NRXN1: variants seen among roughly 807,000 people sequenced by gnomAD.
NRXN1 encodes the protein neurexin-1.
NRXN1 carries 39 observed loss-of-function variants against 150.9 expected under a neutral mutation model. That is an observed-to-expected ratio of 0.26 (90% CI 0.20 to 0.34). NRXN1 has a LOEUF of 0.34. Among genes scored for constraint, NRXN1 ranks in the 10% least tolerant of loss-of-function variants. The probability of loss-of-function intolerance (pLI) is 1.00; values close to 1 mark genes in which losing one functional copy is unlikely to be tolerated. For synonymous variants in NRXN1, 924 were observed against 757.0 expected (o/e 1.22, Z -3.62); for missense variants, 1,815 against 1,949.9 (o/e 0.93, Z 1.30).
chr2:50,779,898 G>A (rs1020057510), intron 5 of NRXN1, among the ~76,000 whole-genome samples: 2 of 152,170 alleles, frequency 1.3e-5, no homozygotes, highest in African/African-American at 2.4e-5. Flanking sequence ...TGGGATTGCT[G>A]GATCAAATGG....
At position 50,884,845 on chromosome 2, in the gene NRXN1, CT is replaced by C. The variant is rs201311269; in HGVS notation, c.832+37023del. ...TTTTAAAAAAAAAATAAAATACAAA[CT>C]TTTTTTTCTATAAACGCAAAAGTAG... is the stretch of plus-strand genomic sequence containing the variant. On this transcript the variant is annotated intron_variant, in intron 5 of 22. Coordinates refer to ENST00000401669, the MANE Select transcript of NRXN1 (RefSeq NM_001330078.2). Among the ~76,000 whole-genome samples, 726 of 151,300 alleles carry C rather than the reference CT, an allele frequency of 4.8e-3. 6 individuals are homozygous for C. The highest frequency in any genetic ancestry group is 0.017 in the African/African-American group (690 of 41,366).
intron 18 of NRXN1, among the ~76,000 whole-genome samples, chr2:50,186,905 C>T (rs2061108565): frequency 6.6e-6 from 1 of 151,942 alleles, no homozygotes; most frequent in Non-Finnish European, 1.5e-5. Flanking sequence ...TTTAAAATTC[C>T]TTCCTTCCAC....
chr2:50,602,501 CA>C (rs1676439395), intron 8 of NRXN1, among the ~76,000 whole-genome samples: 2 of 151,942 alleles, frequency 1.3e-5, no homozygotes, highest in African/African-American at 4.8e-5. Flanking sequence ...CCAGAATCAA[CA>C]ATCACTTTCC....
At chr2:50,958,605 G>C (rs963885938) in intron 2 of NRXN1, among the ~76,000 whole-genome samples, 1 of 151,906 alleles carries the variant, frequency 6.6e-6, no homozygotes, top group Non-Finnish European at 1.5e-5. Flanking sequence ...ACTTTCCTTA[G>C]CCTTTTCTGT....
intron 9 of NRXN1, among the ~76,000 whole-genome samples, chr2:50,539,944 T>G (rs2093352553): frequency 6.6e-6 from 1 of 152,064 alleles, no homozygotes; most frequent in African/African-American, 2.4e-5. Flanking sequence ...CCGCCCCAAG[T>G]GAAAACACAT....
chr2:50,163,542 G>A (rs2059494660), intron 18 of NRXN1, among the ~76,000 whole-genome samples: 1 of 152,044 alleles, frequency 6.6e-6, no homozygotes, highest in Admixed American at 6.6e-5. Context: ...CTGCCTAAGT[G>A]TCACAATCTG....
At chr2:50,245,950 C>T (rs1421681937) in intron 17 of NRXN1, among the ~76,000 whole-genome samples, 1 of 151,744 alleles carries the variant, frequency 6.6e-6, no homozygotes, top group Non-Finnish European at 1.5e-5. Flanking sequence ...AAAAGCTAAG[C>T]TCAAATGACT....
rs557492626 is a variant in NRXN1, at chr2:50,554,931, A to G, written c.1321-1906T>C. Among the ~76,000 whole-genome samples, 4 of 152,308 alleles carry G rather than the reference A, an allele frequency of 2.6e-5. No homozygotes were observed. The East Asian group carries it at 7.7e-4, about 29-fold the overall frequency. On this transcript the variant is annotated intron_variant, in intron 8 of 22. Coordinates refer to ENST00000401669, the MANE Select transcript of NRXN1 (RefSeq NM_001330078.2). ...AGAAAATGAACTTGAGCAATAACAA[A>G]AAGGAATTACATTAATTCTTAAGAA... is the stretch of plus-strand genomic sequence containing the variant.
At chr2:50,477,556 A>G (rs1181028722) in intron 15 of NRXN1, among the ~76,000 whole-genome samples, 2 of 152,190 alleles carry the variant, frequency 1.3e-5, no homozygotes, top group Non-Finnish European at 2.9e-5. Context: ...GTAAAGACCA[A>G]GCTCTGCCTT....
chr2:50,556,492 T>G (rs1240566944), intron 8 of NRXN1, among the ~76,000 whole-genome samples: 1 of 151,478 alleles, frequency 6.6e-6, no homozygotes, highest in Non-Finnish European at 1.5e-5. Context: ...CAAGGTTTCT[T>G]TGGGGACATT....
Position 49,939,175 on chromosome 2 carries a change from T to G in NRXN1, c.4216+4529A>C, listed in dbSNP as rs114549759. Among the ~76,000 whole-genome samples, 585 of 152,292 alleles carry G rather than the reference T, an allele frequency of 3.8e-3. 4 individuals are homozygous for G. The highest frequency in any genetic ancestry group is 0.013 in the African/African-American group (558 of 41,558). On this transcript the variant is annotated intron_variant, in intron 22 of 22. Coordinates refer to ENST00000401669, the MANE Select transcript of NRXN1 (RefSeq NM_001330078.2). ...ACTTTTCATATATTAACTCCAGCAA[T>G]CACATAGCAATAACTATGCTGGAGC...
At chr2:51,016,849 C>G (rs1025164354) in intron 2 of NRXN1, among the ~76,000 whole-genome samples, 3 of 152,052 alleles carry the variant, frequency 2.0e-5, no homozygotes, top group African/African-American at 7.2e-5. Context: ...GACTTGAAAC[C>G]AACCCAAATG....
At chr2:50,452,872 CT>C (rs891234303) in intron 17 of NRXN1, among the ~76,000 whole-genome samples, 3 of 152,132 alleles carry the variant, frequency 2.0e-5, no homozygotes, top group African/African-American at 7.2e-5. Flanking sequence ...GAAATGTACA[CT>C]TGGATTTGGT....
chr2:50,875,527 T>C (rs986239247), intron 5 of NRXN1, among the ~76,000 whole-genome samples: 1 of 151,780 alleles, frequency 6.6e-6, no homozygotes, highest in African/African-American at 2.4e-5. Context: ...CTCCAATGCT[T>C]TTCTTTTTAT....
At chr2:50,032,086 G>A (rs1317870576) in intron 21 of NRXN1, among the ~76,000 whole-genome samples, 3 of 151,966 alleles carry the variant, frequency 2.0e-5, no homozygotes, top group Non-Finnish European at 4.4e-5. Context: ...AATTAGAAAA[G>A]TATTTTGGAG....
At chr2:50,520,004 G>C (rs1264720956) in intron 12 of NRXN1, among the ~76,000 whole-genome samples, 2 of 151,900 alleles carry the variant, frequency 1.3e-5, no homozygotes, top group African/African-American at 4.8e-5. Context: ...GCTAAAATTA[G>C]AGAACGGGGT....
At chr2:50,281,014 T>G (rs1294633564) in intron 17 of NRXN1, among the ~76,000 whole-genome samples, 1 of 151,740 alleles carries the variant, frequency 6.6e-6, no homozygotes, top group Non-Finnish European at 1.5e-5. Context: ...TATTAAAAAA[T>G]CCATAATAGG....
intron 2 of NRXN1, among the ~76,000 whole-genome samples, chr2:50,928,582 A>G (rs1304346592): frequency 6.6e-6 from 1 of 152,022 alleles, no homozygotes; most frequent in Non-Finnish European, 1.5e-5. Context: ...GTCGAGTCAA[A>G]AAAGAATAGT....
chr2:50,258,340 C>T lies in NRXN1; in HGVS notation c.3365-21370G>A, dbSNP rs554911674. On this transcript the variant is annotated intron_variant, in intron 17 of 22. Transcript: ENST00000401669. ...TCTACATCCATTGTTGTCATTTCAA[C>T]AATGTTCACAGCATCTTCATCAGGA... 9.2e-5 allele frequency among the ~76,000 whole-genome samples: 14 copies of T among 152,156 alleles called. No individual in the cohort carries two copies. In the South Asian group the frequency reaches 2.9e-3, roughly 32 times the overall value.
Sources: gnomAD v4.1 joint callset for allele counts (sites outside exome capture counted in the v4.1 genomes callset) on GRCh38, gnomAD v4.1.1 for gene constraint, MANE v1.5 for transcripts, NCBI Gene and HGNC (gene_info 2026-07-23, HGNC 2026-07-21) for gene names.